The following STK32B variants were observed in gnomAD, a reference collection of about 807,000 sequenced individuals.
STK32B encodes serine/threonine kinase 32B, also known as serine/threonine-protein kinase 32B.
In STK32B, 43 loss-of-function variants were observed where a neutral mutation model predicts 52.6. The ratio of observed to expected loss-of-function variants is 0.82; its 90% CI spans 0.64 to 1.05. STK32B has a LOEUF of 1.05. Ranked by LOEUF, STK32B falls within the 50% of genes least tolerant of loss-of-function variation. The pLI is 0.00. For synonymous variants in STK32B, 238 were observed against 204.3 expected (o/e 1.17, Z -1.41); for missense variants, 621 against 534.6 (o/e 1.16, Z -1.59).
intron 11 of STK32B, among the ~76,000 whole-genome samples, chr4:5,488,279 CAG>C (rs768283403): frequency 6.6e-6 from 1 of 152,134 alleles, no homozygotes; most frequent in Non-Finnish European, 1.5e-5. Context: ...GCCTGGGTGA[CAG>C]AGTGAGACTC....
chr4:5,175,304 GTCAAAGT>G (rs1553844737), intron 3 of STK32B, among the ~76,000 whole-genome samples: 1 of 151,968 alleles, frequency 6.6e-6, no homozygotes, highest in Non-Finnish European at 1.5e-5. Context: ...CTCTCAACTC[GTCAAAGT>G]TATTCTCTGT....
intron 6 of STK32B, among the ~76,000 whole-genome samples, chr4:5,442,288 C>A (rs981970671): frequency 6.6e-6 from 1 of 151,578 alleles, no homozygotes; most frequent in Non-Finnish European, 1.5e-5. Flanking sequence ...CTTGGTGCTC[C>A]TGTATTGGTT....
intron 6 of STK32B, 71 bp from the exon 7 acceptor site, chr4:5,446,602 T>G (rs1027739335): frequency 1.7e-5 from 22 of 1,289,540 alleles, no homozygotes; most frequent in Non-Finnish European, 2.4e-5. Flanking sequence ...TCTCTCCTTG[T>G]CCCCTCTCTA....
chr4:5,424,136 G>A (rs1020142342), intron 6 of STK32B, among the ~76,000 whole-genome samples: 5 of 152,122 alleles, frequency 3.3e-5, no homozygotes, highest in African/African-American at 1.2e-4. Context: ...CATGCTCAGG[G>A]CAGCACTGAC....
chr4:5,122,407 C>T (rs1269532051), intron 1 of STK32B, among the ~76,000 whole-genome samples: 1 of 152,172 alleles, frequency 6.6e-6, no homozygotes, highest in African/African-American at 2.4e-5. Context: ...TTCACTCACT[C>T]ACTCATTCAT....
rs944824144 is a variant in STK32B at position 5,467,296 on chromosome 4, A to T, written c.1041+462A>T. ...AAATCCAAACTCAAGGTCTCCGCAG[A>T]GCCCAGCTCTCTCCAAAGGCTATAG... On this transcript the variant is annotated intron_variant, in intron 10 of 11. Coordinates refer to ENST00000282908, the MANE Select transcript of STK32B (RefSeq NM_018401.3). The surrounding 1 kb of genome is among the most constrained non-coding windows in gnomAD (Gnocchi z 5.8). 1.3e-5 allele frequency among the ~76,000 whole-genome samples: 2 copies of T among 152,148 alleles called. No homozygotes were observed. Among genetic ancestry groups the T allele is most frequent in the Non-Finnish European group, 2.9e-5 (2 of 68,026 alleles).
chr4:5,276,418 G>A (rs940286426), intron 3 of STK32B, among the ~76,000 whole-genome samples: 1 of 152,108 alleles, frequency 6.6e-6, no homozygotes. Flanking sequence ...CTAATATACT[G>A]CCCTTGCCAT....
At chr4:5,360,581 C>T (rs2108997983) in intron 4 of STK32B, among the ~76,000 whole-genome samples, 1 of 152,238 alleles carries the variant, frequency 6.6e-6, no homozygotes, top group East Asian at 1.9e-4. Flanking sequence ...AAGAGGTACA[C>T]AGCATGTTTT....
At chr4:5,146,515 C>T (rs145633393) in intron 2 of STK32B, among the ~76,000 whole-genome samples, 363 of 152,234 alleles carry the variant, frequency 2.4e-3, no homozygotes, top group African/African-American at 7.9e-3. Flanking sequence ...GACTGGCAGC[C>T]GATTGGATGG....
At chr4:5,390,050 A>C (rs1476253027) in intron 4 of STK32B, among the ~76,000 whole-genome samples, 1 of 152,216 alleles carries the variant, frequency 6.6e-6, no homozygotes, top group African/African-American at 2.4e-5. Flanking sequence ...AGGAAGGGAC[A>C]CAGCCGGTTT....
chr4:5,491,420 G>C (rs1340256356), intron 11 of STK32B, among the ~76,000 whole-genome samples: 1 of 152,080 alleles, frequency 6.6e-6, no homozygotes, highest in Non-Finnish European at 1.5e-5. Context: ...CTTTTTGATG[G>C]GGTTGTCTGA....
At chr4:5,249,581 C>G (rs1577245052) in intron 3 of STK32B, among the ~76,000 whole-genome samples, 1 of 151,456 alleles carries the variant, frequency 6.6e-6, no homozygotes, top group African/African-American at 2.4e-5. Context: ...CAAGGGTTAG[C>G]AAAAACCCAA....
chr4:5,149,940 T>G (rs1363679967), intron 2 of STK32B, among the ~76,000 whole-genome samples: 2 of 151,992 alleles, frequency 1.3e-5, no homozygotes, highest in Admixed American at 1.3e-4. Context: ...TTTTATTTTA[T>G]CTGAAATATA....
chr4:5,321,398 T>G (rs991716539), intron 3 of STK32B, among the ~76,000 whole-genome samples: 13 of 152,202 alleles, frequency 8.5e-5, no homozygotes, highest in Non-Finnish European at 1.8e-4. Flanking sequence ...AAATGTCTTT[T>G]GGAATTTGGC....
chr4:5,060,962 A>T (rs1287349806), intron 1 of STK32B, among the ~76,000 whole-genome samples: 1 of 152,154 alleles, frequency 6.6e-6, no homozygotes, highest in Non-Finnish European at 1.5e-5. Context: ...CAGAAACTTG[A>T]TGATGTGCAT....
the STK32B span, among the ~76,000 whole-genome samples, chr4:5,031,040 G>T: frequency 6.6e-6 from 1 of 152,046 alleles, no homozygotes. Flanking sequence ...AGACCCAGGG[G>T]AGAGGTGATG....
chr4:5,116,971 A>G (rs1439049126), intron 1 of STK32B, among the ~76,000 whole-genome samples: 1 of 152,198 alleles, frequency 6.6e-6, no homozygotes, highest in African/African-American at 2.4e-5. Context: ...TAGAAAAACA[A>G]CTGATTTTTG....
intron 3 of STK32B, among the ~76,000 whole-genome samples, chr4:5,209,864 A>G (rs577388376): frequency 1.3e-5 from 2 of 152,326 alleles, no homozygotes; most frequent in African/African-American, 2.4e-5. Context: ...AAACAGAATC[A>G]GGATATGGCC....
intron 2 of STK32B, among the ~76,000 whole-genome samples, chr4:5,161,977 T>C (rs1283217512): frequency 6.6e-6 from 1 of 152,104 alleles, no homozygotes; most frequent in Non-Finnish European, 1.5e-5. Context: ...ATGGTAGAGA[T>C]GGGCAGCACA....
Sources: gnomAD v4.1 joint callset for allele counts (sites outside exome capture counted in the v4.1 genomes callset) on GRCh38, gnomAD v4.1.1 for gene constraint, Gnocchi (gnomAD v3.1) non-coding constraint, MANE v1.5 for transcripts, NCBI Gene and HGNC (gene_info 2026-07-23, HGNC 2026-07-21) for gene names.